The following RNASEH2B variants were observed in gnomAD, a reference collection of about 807,000 sequenced individuals.
RNASEH2B encodes the protein Aicardi-Goutieres syndrome 2 protein.
RNASEH2B carries 36 observed loss-of-function variants against 45.0 expected under a neutral mutation model. The observed-to-expected ratio is 0.80, with a 90% CI of 0.61 to 1.06. The LOEUF (loss-of-function observed/expected upper bound fraction) is 1.06, where lower values mean the gene tolerates loss of function less well. RNASEH2B is among the 50% of genes least tolerant of loss of function. The pLI, the probability that RNASEH2B is intolerant of heterozygous loss-of-function variation, is 0.00. For synonymous variants in RNASEH2B, 119 were observed against 125.7 expected (o/e 0.95, Z 0.35); for missense variants, 361 against 360.3 (o/e 1.00, Z -0.02).
chr13:50,943,123 G>A, intron 5 of RNASEH2B, 198 bp from the exon 6 acceptor site: 2 of 513,714 alleles, frequency 3.9e-6, no homozygotes, highest in Non-Finnish European at 6.9e-6. Flanking sequence ...TCATTTAGTG[G>A]TTGATGACTC....
At chr13:50,965,265 G>C (rs569228006) in intron 9 of RNASEH2B, among the ~76,000 whole-genome samples, 1 of 152,176 alleles carries the variant, frequency 6.6e-6, no homozygotes, top group Non-Finnish European at 1.5e-5. Context: ...TGCTATACAG[G>C]TTTGTACCCC....
intron 9 of RNASEH2B, chr13:50,950,712 T>TA (rs980900486): frequency 6.6e-6 from 1 of 152,260 alleles, no homozygotes; most frequent in Non-Finnish European, 1.5e-5. Context: ...TCTTCCTTAG[T>TA]AACTTAGAGA....
downstream of RNASEH2B, among the ~76,000 whole-genome samples, chr13:50,959,041 G>A (rs1308367247): frequency 2.6e-5 from 4 of 152,132 alleles, no homozygotes; most frequent in Admixed American, 1.3e-4. Flanking sequence ...TTGGAAATAA[G>A]TGTAAAAACA....
chr13:50,963,549 T>C (rs2138039590), intron 9 of RNASEH2B, among the ~76,000 whole-genome samples: 1 of 152,346 alleles, frequency 6.6e-6, no homozygotes, highest in Non-Finnish European at 1.5e-5. Flanking sequence ...GCTTGCAGTT[T>C]TCTTTAAATA....
intron 7 of RNASEH2B, among the ~76,000 whole-genome samples, chr13:50,946,991 TA>T (rs1203764891): frequency 6.6e-6 from 1 of 152,146 alleles, no homozygotes; most frequent in African/African-American, 2.4e-5. Context: ...GAAAATCTCT[TA>T]CTGAAGACTT....
chr13:50,951,900 A>G (rs1285833131), intron 9 of RNASEH2B: 1 of 152,208 alleles, frequency 6.6e-6, no homozygotes, highest in African/African-American at 2.4e-5. Flanking sequence ...CTATTAAAAC[A>G]CCTGAACAAG....
At chr13:50,958,670 A>G (rs1015322383), downstream of RNASEH2B, among the ~76,000 whole-genome samples, 1 of 152,096 alleles carries the variant, frequency 6.6e-6, no homozygotes, top group Non-Finnish European at 1.5e-5. Context: ...TTTTGTTACT[A>G]TTTTCCCAGA....
At chr13:50,954,762 C>T (rs749404043) in intron 10 of RNASEH2B, 2 of 152,148 alleles carry the variant, frequency 1.3e-5, no homozygotes, top group Non-Finnish European at 2.9e-5. Context: ...ATATATATAG[C>T]TAAAGTGCTT....
intron 5 of RNASEH2B, among the ~76,000 whole-genome samples, chr13:50,939,706 T>G (rs1259644099): frequency 2.0e-5 from 3 of 152,170 alleles, no homozygotes; most frequent in Non-Finnish European, 4.4e-5. Context: ...CAAATGTTGA[T>G]GGAAGAATTT....
intron 9 of RNASEH2B, among the ~76,000 whole-genome samples, chr13:50,969,691 C>G (rs982921801): frequency 6.6e-6 from 1 of 152,010 alleles, no homozygotes; most frequent in Non-Finnish European, 1.5e-5. Flanking sequence ...GAAAAACATA[C>G]TTCTTGGTGT....
intron 7 of RNASEH2B, 62 bp downstream of exon 7, chr13:50,945,594 C>T (rs1403160984): frequency 9.4e-7 from 1 of 1,059,406 alleles, no homozygotes; most frequent in African/African-American, 1.6e-5. Flanking sequence ...TGTGTAAATG[C>T]CTATCTTAGG....
intron 9 of RNASEH2B, among the ~76,000 whole-genome samples, chr13:50,967,660 C>T (rs1157726106): frequency 6.6e-6 from 1 of 152,204 alleles, no homozygotes; most frequent in Non-Finnish European, 1.5e-5. Flanking sequence ...AACTTTGACT[C>T]TGTTACATCC....
rs149344607 is a variant in RNASEH2B, at chr13:50,915,209, A to G, written c.64+5069A>G. 38 of 389,152 alleles carry G rather than the reference A, an allele frequency of 9.8e-5. No homozygotes were observed. The East Asian group carries it at 1.3e-3, about 13-fold the overall frequency. The allele number at this position is 389,152 out of a possible 1,614,324, so 24.1% of individuals were successfully genotyped here. On this transcript the variant is annotated intron_variant, in intron 1 of 10. Transcript: ENST00000336617. ...GTCTCACATTCCATTTCTTCCTGCAATGTCTTTGCTTATTCTGCTTTTTCC... is the reference window on the plus strand; with the variant it reads ...GTCTCACATTCCATTTCTTCCTGCAGTGTCTTTGCTTATTCTGCTTTTTCC...
At chr13:50,939,441 G>A (rs112946255) in intron 5 of RNASEH2B, among the ~76,000 whole-genome samples, 3,687 of 152,222 alleles carry the variant, frequency 0.024, 91 homozygotes, top group South Asian at 0.05. Flanking sequence ...GATCACTTGA[G>A]CCCAGGAGGT....
intron 9 of RNASEH2B, among the ~76,000 whole-genome samples, chr13:50,966,135 G>T (rs992295777): frequency 1.3e-5 from 2 of 152,094 alleles, no homozygotes; most frequent in Non-Finnish European, 2.9e-5. Context: ...ATAATATTAG[G>T]AATAAATCCA....
intron 5 of RNASEH2B, chr13:50,938,012 A>G (rs189577616): frequency 6.6e-6 from 1 of 152,356 alleles, no homozygotes; most frequent in East Asian, 1.9e-4. Context: ...TTCATAGACA[A>G]TATTGTCATG....
chr13:50,912,235 C>CA (rs1245643805), intron 1 of RNASEH2B: 1 of 152,222 alleles, frequency 6.6e-6, no homozygotes, highest in African/African-American at 2.4e-5. Context: ...GAGGGTACAA[C>CA]AAGGTTTGAC....
chr13:50,959,995 G>A (rs563755770), downstream of RNASEH2B: 3 of 357,256 alleles, frequency 8.4e-6, no homozygotes, highest in East Asian at 1.2e-4. Context: ...ATTCTTATTT[G>A]GGAATATAGT....
In RNASEH2B at chr13:50,943,352, C is replaced by G; in HGVS notation, c.468C>G (p.Tyr156Ter). 1.2e-6 allele frequency: 2 copies of G among 1,603,016 alleles called. No individual in the cohort carries two copies. Among genetic ancestry groups the G allele is most frequent in the Non-Finnish European group, 8.5e-7 (1 of 1,170,970 alleles). Reference protein sequence around the residue: ...GNPEIDNKKYYKYSKEKTLKW... With the variant: ...GNPEIDNKKY ...CAGAAATAGACAACAAGAAATATTA[C>G]AAGTACAGCAAAGAGAAGACATTAA... Residue 156 changes from tyrosine (Y) to a stop codon, truncating the protein, a stop_gained, in exon 6 of 11, where the codon TAC (tyrosine) becomes TAG (stop). Coordinates refer to ENST00000336617, the MANE Select transcript of RNASEH2B (RefSeq NM_024570.4). LOFTEE classifies it high-confidence loss of function.
Sources: gnomAD v4.1 joint callset for allele counts (sites outside exome capture counted in the v4.1 genomes callset) on GRCh38, gnomAD v4.1.1 for gene constraint, MANE v1.5 for transcripts, NCBI Gene and HGNC (gene_info 2026-07-23, HGNC 2026-07-21) for gene names.